Variants in SPATS2L observed in about 807,000 individuals in gnomAD.
SPATS2L encodes the protein spermatogenesis associated serine rich 2 like.
A neutral mutation model predicts 59.6 loss-of-function variants in SPATS2L; 30 were observed. The ratio of observed to expected loss-of-function variants is 0.50; its 90% CI spans 0.38 to 0.68. The LOEUF is 0.68. Ranked by LOEUF, SPATS2L falls within the 30% of genes least tolerant of loss-of-function variation. SPATS2L has a pLI of 0.00. For missense variants in SPATS2L, 615 were observed against 700.0 expected, an observed-to-expected ratio of 0.88 and a Z score of 1.37; for synonymous variants, 252 against 263.5, an observed-to-expected ratio of 0.96 and a Z score of 0.42.
At chr2:200,386,993 ATGACCG>A (rs2082013426) in intron 2 of SPATS2L, among the ~76,000 whole-genome samples, 1 of 152,230 alleles carries the variant, frequency 6.6e-6, no homozygotes, top group Non-Finnish European at 1.5e-5. Flanking sequence ...CAGGCTTGTA[ATGACCG>A]ACCAAAGGCT....
chr2:200,318,131 C>T (rs2079440690), intron 1 of SPATS2L, among the ~76,000 whole-genome samples: 1 of 152,208 alleles, frequency 6.6e-6, no homozygotes. Context: ...AGTCTGATCT[C>T]ACATACTGCC....
intron 8 of SPATS2L, among the ~76,000 whole-genome samples, chr2:200,447,700 G>A (rs1284664135): frequency 6.6e-6 from 1 of 152,184 alleles, no homozygotes; most frequent in Non-Finnish European, 1.5e-5. Flanking sequence ...ATCTGGGGTA[G>A]TATAGTGTAG....
chr2:200,396,338 A>T (rs1574386398), intron 3 of SPATS2L, among the ~76,000 whole-genome samples: 1 of 152,102 alleles, frequency 6.6e-6, no homozygotes, highest in African/African-American at 2.4e-5. Flanking sequence ...AGAATCATTC[A>T]AATAAAAAAC....
chr2:200,465,002 T>C (rs534020529), intron 9 of SPATS2L, among the ~76,000 whole-genome samples: 1 of 152,314 alleles, frequency 6.6e-6, no homozygotes, highest in Non-Finnish European at 1.5e-5. Context: ...CTTTAAGTAA[T>C]AGATTAATTC....
chr2:200,396,036 ATAT>A (rs2082337622), intron 3 of SPATS2L, among the ~76,000 whole-genome samples: 1 of 32,148 alleles, frequency 3.1e-5, no homozygotes, highest in African/African-American at 7.8e-5. Flanking sequence ...AAAAAAAAAT[ATAT>A]ATATATATAT....
In SPATS2L at chr2:200,357,600, C is replaced by G. The variant is rs574231588; in HGVS notation, c.-23+28120C>G. ...TATGGTTTTGAAAAGCCAACCCAGACCAAATTACTTTTTCCATACTCCAGC... is the reference window on the plus strand; with the variant it reads ...TATGGTTTTGAAAAGCCAACCCAGAGCAAATTACTTTTTCCATACTCCAGC... On this transcript the variant is annotated intron_variant, in intron 2 of 12. Transcript: ENST00000409140. Among the ~76,000 whole-genome samples the G allele has an allele frequency of 9.1e-4, 138 of 152,202 alleles. 3 individuals carry two copies. The South Asian group carries it at 0.027, about 30-fold the overall frequency.
chr2:200,405,583 G>A (rs1368848567), intron 3 of SPATS2L, among the ~76,000 whole-genome samples: 2 of 152,148 alleles, frequency 1.3e-5, no homozygotes, highest in Non-Finnish European at 2.9e-5. Flanking sequence ...AAATTCATAG[G>A]AAAACTACCT....
chr2:200,397,673 G>GC lies in SPATS2L; in HGVS notation c.39+8396dup, dbSNP rs576557728. On this transcript the variant is annotated intron_variant, in intron 3 of 12. Transcript: ENST00000409140. The stretch of plus-strand genomic sequence containing the variant: ...ATAATAATAATATCATAGACTTTGT[G>GC]CCCCCCAAATATTGGCTAATTAATC... Among the ~76,000 whole-genome samples, 4 of 151,714 alleles carry GC rather than the reference G, an allele frequency of 2.6e-5. No homozygotes were observed. The South Asian group carries it at 8.3e-4, about 32-fold the overall frequency.
intron 2 of SPATS2L, among the ~76,000 whole-genome samples, chr2:200,347,815 A>G (rs919696598): frequency 6.6e-6 from 1 of 152,240 alleles, no homozygotes. Context: ...GTGAACAACA[A>G]TTTAGTCACT....
At chr2:200,380,697 TAAATGTG>T (rs769934661) in intron 2 of SPATS2L, among the ~76,000 whole-genome samples, 5 of 152,266 alleles carry the variant, frequency 3.3e-5, no homozygotes, top group Non-Finnish European at 5.9e-5. Flanking sequence ...CCAGAGCTTT[TAAATGTG>T]AAATTTTTTT....
intron 2 of SPATS2L, among the ~76,000 whole-genome samples, chr2:200,372,723 T>C (rs1339087031): frequency 1.3e-5 from 2 of 152,144 alleles, no homozygotes; most frequent in Non-Finnish European, 2.9e-5. Flanking sequence ...GCTTCGGAGT[T>C]AGTTTGAGAG....
chr2:200,332,131 C>T (rs1037714892), intron 2 of SPATS2L, among the ~76,000 whole-genome samples: 9 of 146,454 alleles, frequency 6.1e-5, no homozygotes, highest in African/African-American at 2.3e-4. Flanking sequence ...AATTTTATTA[C>T]AATATGTAAA....
At chr2:200,382,468 G>C (rs1035381097) in intron 2 of SPATS2L, among the ~76,000 whole-genome samples, 23 of 152,340 alleles carry the variant, frequency 1.5e-4, no homozygotes, top group Admixed American at 1.4e-3. Flanking sequence ...CTGCAAATGC[G>C]CAAGGCATAT....
rs746644267 is a variant in SPATS2L at position 200,389,265 on chromosome 2, T to A, written c.21T>A (p.His7Gln). 1.3e-6 allele frequency: 2 copies of A among 1,584,946 alleles called. No homozygotes were observed. Among genetic ancestry groups the A allele is most frequent in the African/African-American group, 1.3e-5 (1 of 74,616 alleles). The stretch of plus-strand genomic sequence containing the variant: ...GCAAGATGGCTGAACTCAATACTCA[T>A]GTGAATGTCAAGGAAAAGGTAAGAT... MAELNT[H>Q]VNVKEKIYAV... The change falls in exon 3 of 13, where the codon CAT becomes CAA. Residue 7 changes from histidine to glutamine, a missense_variant. Physicochemically the swap from His to Gln is conservative, Grantham distance 24. This residue lies in a region of SPATS2L where 227 missense variants were observed against 257.4 expected (regional missense o/e 0.88). Transcript: ENST00000409140.
intron 6 of SPATS2L, among the ~76,000 whole-genome samples, chr2:200,428,510 T>C (rs2083719107): frequency 6.6e-6 from 1 of 152,178 alleles, no homozygotes; most frequent in South Asian, 2.1e-4. Context: ...CTCAGGTCCT[T>C]CATCATATAA....
In SPATS2L at chr2:200,307,305, G is replaced by T. The variant is rs879902801; in HGVS notation, c.-73+383G>T. Among the ~76,000 whole-genome samples the T allele has an allele frequency of 9.9e-5, 15 of 151,744 alleles. No individual in the cohort carries two copies. In the East Asian group the frequency reaches 2.9e-3, roughly 30 times the overall value. The stretch of plus-strand genomic sequence containing the variant: ...TCGCCTGCCGTCCTCCCGCGCGGGC[G>T]CCCCCGTTCCCTCCCAAGCCGGAAA... On this transcript the variant is annotated intron_variant, in intron 1 of 12. Transcript: ENST00000409140.
At chr2:200,459,031 G>A (rs771252314) in intron 8 of SPATS2L, among the ~76,000 whole-genome samples, 1 of 152,160 alleles carries the variant, frequency 6.6e-6, no homozygotes, top group Admixed American at 6.5e-5. Context: ...ATCTGTAAAA[G>A]GACATATAAG....
rs1553527086 is a variant in SPATS2L at position 200,418,581 on chromosome 2, T to TAATTA, written c.199-666_199-665insTAAAT. 3.8e-3 allele frequency among the ~76,000 whole-genome samples: 553 copies of TAATTA among 145,398 alleles called. 2 individuals are homozygous for TAATTA. The highest frequency in any genetic ancestry group is 0.013 in the African/African-American group (529 of 39,346). Reference sequence around the variant, plus strand: ...AGAGCCAGAGTGAGACCTTATTAAATAATAAATAAATAAATAAATAAATAA... The same window carrying TAATTA: ...AGAGCCAGAGTGAGACCTTATTAAATAATTAAATAAATAAATAAATAAATAAATAA... On this transcript the variant is annotated intron_variant, in intron 5 of 12. Transcript: ENST00000409140.
chr2:200,382,273 T>C (rs1282682147), intron 2 of SPATS2L, among the ~76,000 whole-genome samples: 2 of 152,122 alleles, frequency 1.3e-5, no homozygotes, highest in African/African-American at 4.8e-5. Context: ...CGAGGTTTTG[T>C]CATACTGATC....
Sources: allele counts gnomAD v4.1 joint callset (sites outside exome capture counted in the v4.1 genomes callset), GRCh38; gene constraint gnomAD v4.1.1; regional missense constraint gnomAD v4.1.1; transcripts MANE v1.5; gene names NCBI Gene and HGNC (gene_info 2026-07-23, HGNC 2026-07-21).